Variants in PCDHA2 observed in about 807,000 individuals in gnomAD.
PCDHA2 encodes protocadherin alpha-2.
Under a neutral mutation model 66.0 loss-of-function variants are expected in PCDHA2, and 58 were observed. The observed-to-expected ratio is 0.88, with a 90% CI of 0.71 to 1.09. The LOEUF is 1.09. Ranked by LOEUF, PCDHA2 falls within the 50% of genes least tolerant of loss-of-function variation. PCDHA2 has a pLI of 0.00. For synonymous variants in PCDHA2, 634 were observed against 554.0 expected (o/e 1.14, Z -2.03); for missense variants, 1,267 against 1,242.3 (o/e 1.02, Z -0.30).
Position 141,010,476 on chromosome 5 carries a change from G to T in PCDHA2, c.*539G>T. ...GAAGTTATCAGTATGGAGGGGAAGT[G>T]TAAACTTAAAGGGACCAGACTTTCT... is the stretch of plus-strand genomic sequence containing the variant. On this transcript the variant is annotated 3_prime_UTR_variant, in exon 4 of 4. Coordinates refer to ENST00000526136, the MANE Select transcript of PCDHA2 (RefSeq NM_018905.3). 1.3e-6 allele frequency: 1 copy of T among 752,476 alleles called. No individual in the cohort carries two copies. Among genetic ancestry groups the T allele is most frequent in the Non-Finnish European group, 2.0e-6 (1 of 499,640 alleles). The allele number at this position is 752,476 out of a possible 1,614,324, so 46.6% of individuals were successfully genotyped here. A position where few individuals can be genotyped will look rare whatever the true frequency, so the allele number is the denominator to read the frequency against.
At chr5:140,982,217 C>A in intron 2 of PCDHA2, 1 of 507,664 alleles carries the variant, frequency 2.0e-6, no homozygotes, top group Non-Finnish European at 3.1e-6. Flanking sequence ...CGCCACATGG[C>A]GTTAATAAAA....
intron 1 of PCDHA2, chr5:140,822,167 G>C (rs1554128482): frequency 6.2e-7 from 1 of 1,614,252 alleles, no homozygotes; most frequent in Non-Finnish European, 8.5e-7. Context: ...AATCCGCCCA[G>C]GTTCTCCAGA....
At chr5:140,962,585 T>C (rs2095694248) in intron 1 of PCDHA2, among the ~76,000 whole-genome samples, 1 of 152,216 alleles carries the variant, frequency 6.6e-6, no homozygotes, top group South Asian at 2.1e-4. Flanking sequence ...ATGCCAAATA[T>C]TTGACTGATA....
intron 1 of PCDHA2, chr5:140,967,878 A>G: frequency 6.2e-7 from 1 of 1,614,152 alleles, no homozygotes; most frequent in Non-Finnish European, 8.5e-7. Flanking sequence ...ACGGACCTGT[A>G]TAGCCCAGTG....
At chr5:140,842,999 G>A (rs782032676) in intron 1 of PCDHA2, 1 of 1,594,954 alleles carries the variant, frequency 6.3e-7, no homozygotes, top group Admixed American at 1.7e-5. Context: ...GGACGAGAAT[G>A]ACAACGCGCC....
chr5:140,946,405 T>C (rs1554217546), intron 1 of PCDHA2, among the ~76,000 whole-genome samples: 1 of 151,592 alleles, frequency 6.6e-6, no homozygotes, highest in South Asian at 2.1e-4. Context: ...AGTACAATCA[T>C]AGAAAACAAT....
rs2153432469 is a variant in PCDHA2, at chr5:140,890,949, A to C, written c.2389-88000A>C. On this transcript the variant is annotated intron_variant, in intron 1 of 3. Transcript: ENST00000526136. The stretch of plus-strand genomic sequence containing the variant: ...CTTTAGTCCAAAGATGCTGGTGAGG[A>C]ATGATTTCAGGTTTTGTTTTTCTGA... 2.0e-5 allele frequency among the ~76,000 whole-genome samples: 3 copies of C among 152,248 alleles called. No individual in the cohort carries two copies. The South Asian group carries it at 6.2e-4, about 32-fold the overall frequency.
At chr5:141,001,223 A>G (rs1349302343) in intron 3 of PCDHA2, among the ~76,000 whole-genome samples, 6 of 152,228 alleles carry the variant, frequency 3.9e-5, no homozygotes, top group Non-Finnish European at 8.8e-5. Context: ...AAGGATAGTT[A>G]CATTTAATCT....
At position 140,845,912 on chromosome 5, in the gene PCDHA2, C is replaced by A. The variant is rs186058718; in HGVS notation, c.2388+48560C>A. On this transcript the variant is annotated intron_variant, in intron 1 of 3. Transcript: ENST00000526136. ...AGTCGTTATGGCCTTCCATATTAAT[C>A]TTATTTTTGTGTAAAACTATCTTCT... Among the ~76,000 whole-genome samples, 208 of 149,552 alleles carry A rather than the reference C, an allele frequency of 1.4e-3. 17 individuals are homozygous for A. The Middle Eastern group carries it at 0.024, about 17-fold the overall frequency.
chr5:140,796,754 T>A lies in PCDHA2; in HGVS notation c.1790T>A (p.Val597Glu). Reference sequence around the variant, plus strand: ...CACGTGGTGGCGAAGGTGCGCGCAGTGGACGCTGACTCAGGCTACAACGCG... The same window carrying A: ...CACGTGGTGGCGAAGGTGCGCGCAGAGGACGCTGACTCAGGCTACAACGCG... ...AGHVVAKVRAVDADSGYNAWL... is the reference protein window; with the variant it reads ...AGHVVAKVRAEDADSGYNAWL... Residue 597 changes from valine (V) to glutamate (E), a missense_variant, in exon 1 of 4, where the codon GTG becomes GAG. Coordinates refer to ENST00000526136, the MANE Select transcript of PCDHA2 (RefSeq NM_018905.3). 1.2e-6 allele frequency: 2 copies of A among 1,614,102 alleles called. No homozygotes were observed. The highest frequency in any genetic ancestry group is 2.2e-5 in the South Asian group (2 of 91,088).
At chr5:140,860,192 C>CATATATATATATATATATATATATAT (rs143984774) in intron 1 of PCDHA2, 76 of 146,806 alleles carry the variant, frequency 5.2e-4, no homozygotes, top group Middle Eastern at 3.6e-3. Flanking sequence ...GCTCTCCTTA[C>CATATATATATATATATATATATATAT]ATATATATCT....
chr5:140,859,387 C>A, intron 1 of PCDHA2: 2 of 268,138 alleles, frequency 7.5e-6, no homozygotes, highest in South Asian at 8.3e-5. Context: ...CTTCTCTAGT[C>A]ATCTTAAACA....
chr5:140,859,351 A>T (rs2045821296), intron 1 of PCDHA2: 1 of 247,508 alleles, frequency 4.0e-6, no homozygotes, highest in Non-Finnish European at 7.7e-6. Context: ...TTTTCTACTG[A>T]TCTGATATAT....
chr5:140,957,346 G>C (rs1027225386), intron 1 of PCDHA2, among the ~76,000 whole-genome samples: 7 of 152,080 alleles, frequency 4.6e-5, no homozygotes, highest in Non-Finnish European at 8.8e-5. Flanking sequence ...TTTTGAGAGA[G>C]AGACCACATT....
chr5:140,940,413 A>G (rs2092607327), intron 1 of PCDHA2, among the ~76,000 whole-genome samples: 1 of 152,166 alleles, frequency 6.6e-6, no homozygotes, highest in East Asian at 1.9e-4. Context: ...TTTAAAAATT[A>G]TAATTATTAC....
At position 140,982,581 on chromosome 5, in the gene PCDHA2, C is replaced by G. The variant is rs782060139; in HGVS notation, c.2536+18C>G. 6.2e-7 allele frequency: 1 copy of G among 1,612,214 alleles called. No homozygotes were observed. The highest frequency in any genetic ancestry group is 1.1e-5 in the South Asian group (1 of 90,796). The stretch of plus-strand genomic sequence containing the variant: ...AACACCAGGTAAAGAGCTGGGGTCT[C>G]TCCATTCTTTCTTGGTTTCTGGAAA... On this transcript the variant is annotated intron_variant, in intron 3 of 3. Transcript: ENST00000526136.
At chr5:140,850,521 C>T (rs2041655366) in intron 1 of PCDHA2, 2 of 1,598,110 alleles carry the variant, frequency 1.3e-6, no homozygotes, top group Admixed American at 3.4e-5. Context: ...CGGCCAGGCG[C>T]CAAAGTCATC....
chr5:140,947,645 A>G (rs1373528004), intron 1 of PCDHA2, among the ~76,000 whole-genome samples: 2 of 151,670 alleles, frequency 1.3e-5, no homozygotes, highest in African/African-American at 2.4e-5. Flanking sequence ...GTATGAACAT[A>G]TATACCTCCA....
Position 140,848,616 on chromosome 5 carries a change from C to T in PCDHA2, c.2388+51264C>T, listed in dbSNP as rs1196599675. ...CTACTCCGTCCCGGAGGAAGCCGAA[C>T]ACGGCACCTTCGTGGGCCGCATCGC... On this transcript the variant is annotated intron_variant, in intron 1 of 3. Transcript: ENST00000526136. 1.3e-5 allele frequency: 21 copies of T among 1,593,464 alleles called. 4 individuals carry two copies. The highest frequency in any genetic ancestry group is 1.8e-5 in the Non-Finnish European group (21 of 1,163,958).
Sources: allele counts gnomAD v4.1 joint callset (sites outside exome capture counted in the v4.1 genomes callset), GRCh38; gene constraint gnomAD v4.1.1; transcripts MANE v1.5; gene names NCBI Gene and HGNC (gene_info 2026-07-23, HGNC 2026-07-21).